ZDHHC11: variants seen among roughly 807,000 people sequenced by gnomAD.
The protein encoded by ZDHHC11 is palmitoyltransferase ZDHHC11.
In ZDHHC11, 44 loss-of-function variants were observed where a neutral mutation model predicts 51.3. That is an observed-to-expected ratio of 0.86 (90% CI 0.67 to 1.10). The LOEUF (loss-of-function observed/expected upper bound fraction) is 1.10. Ranked by LOEUF, ZDHHC11 falls within the 50% of genes least tolerant of loss-of-function variation. The pLI is 0.00. For missense variants in ZDHHC11, 400 were observed against 537.7 expected (o/e 0.74, Z 2.53); for synonymous variants, 163 against 222.0 (o/e 0.73, Z 2.36).
rs528154038 is a variant in ZDHHC11 at position 836,914 on chromosome 5, G to A, written c.900+451C>T. Among the ~76,000 whole-genome samples the A allele has an allele frequency of 8.5e-4, 124 of 145,682 alleles. 6 individuals are homozygous for A. The South Asian group carries it at 0.025, about 29-fold the overall frequency. ...TCTACTAAAAATACAAAAATTAGTC[G>A]GGCGTAGTGGCATACATCTGTGATC... On this transcript the variant is annotated intron_variant, in intron 6 of 12. Transcript: ENST00000283441.
At chr5:847,088 T>C (rs1338924603) in intron 3 of ZDHHC11, among the ~76,000 whole-genome samples, 1 of 141,468 alleles carries the variant, frequency 7.1e-6, no homozygotes, top group Non-Finnish European at 1.5e-5. Context: ...GGGAAACACC[T>C]CTCATCTGTG....
intron 9 of ZDHHC11, among the ~76,000 whole-genome samples, chr5:820,477 G>A (rs1340609055): frequency 6.6e-6 from 1 of 151,510 alleles, no homozygotes; most frequent in Non-Finnish European, 1.5e-5. Flanking sequence ...TGGAGTAAGG[G>A]ATGGTGACAT....
chr5:842,017 C>T (rs1437582739), intron 4 of ZDHHC11: 27 of 987,910 alleles, frequency 2.7e-5, no homozygotes, highest in African/African-American at 1.7e-4. Context: ...AGTGACATCA[C>T]GATGAGTTCA....
chr5:844,305 G>A (rs1251508136), intron 3 of ZDHHC11, among the ~76,000 whole-genome samples: 6 of 152,300 alleles, frequency 3.9e-5, no homozygotes, highest in Admixed American at 1.3e-4. Context: ...AAACGTGATT[G>A]CCTTTAATCC....
intron 3 of ZDHHC11, among the ~76,000 whole-genome samples, chr5:844,270 C>T (rs58770408): frequency 0.34 from 42,822 of 124,748 alleles, 8,513 homozygotes; most frequent in African/African-American, 0.68. Flanking sequence ...GCACACCGCC[C>T]GACAATTCAG....
rs1485354258 is a variant in ZDHHC11 at position 845,817 on chromosome 5, A to G, written c.503+1697T>C. Among the ~76,000 whole-genome samples the G allele has an allele frequency of 3.3e-5, 5 of 150,378 alleles. No individual in the cohort carries two copies. The East Asian group carries it at 7.8e-4, about 23-fold the overall frequency. ...CTGCTGCCTGGAGCTGAGGGCGCCC[A>G]TGACCCCGGCCCTGCTCTCCTGATG... is the stretch of plus-strand genomic sequence containing the variant. On this transcript the variant is annotated intron_variant, in intron 3 of 12. Transcript: ENST00000283441.
chr5:849,449 G>C (rs2150464905), intron 1 of ZDHHC11, among the ~76,000 whole-genome samples: 1 of 152,232 alleles, frequency 6.6e-6, no homozygotes, highest in Non-Finnish European at 1.5e-5. Flanking sequence ...CTGAGCACTG[G>C]GAGAGAAGAC....
rs150025489 is a variant in ZDHHC11, at chr5:806,429, T to C, written c.1182-5265A>G. Reference sequence around the variant, plus strand: ...AAGTCTTAGCTCTCAAAATCAAAACTGAAAACCCTTAGTAGAAATAATAGA... The same window carrying C: ...AAGTCTTAGCTCTCAAAATCAAAACCGAAAACCCTTAGTAGAAATAATAGA... On this transcript the variant is annotated intron_variant, in intron 11 of 12. Transcript: ENST00000283441. Among the ~76,000 whole-genome samples the C allele has an allele frequency of 9.1e-3, 1,369 of 150,810 alleles. 45 individuals carry two copies. Among genetic ancestry groups the C allele is most frequent in the African/African-American group, 0.031 (1,272 of 40,816 alleles).
chr5:808,888 C>G (rs1479854477), intron 11 of ZDHHC11, among the ~76,000 whole-genome samples: 2 of 147,524 alleles, frequency 1.4e-5, no homozygotes, highest in African/African-American at 4.9e-5. Flanking sequence ...TTAGTAGAGA[C>G]AGGGTTTCAC....
At chr5:803,794 G>C (rs1056633155) in intron 11 of ZDHHC11, among the ~76,000 whole-genome samples, 2 of 150,628 alleles carry the variant, frequency 1.3e-5, no homozygotes, top group South Asian at 2.1e-4. Context: ...ATTAGTAGTA[G>C]AGATAGAAAT....
intron 10 of ZDHHC11, among the ~76,000 whole-genome samples, chr5:818,798 C>A (rs377054771): frequency 4.0e-5 from 6 of 151,492 alleles, no homozygotes; most frequent in African/African-American, 1.5e-4. Flanking sequence ...GAGGTGGAGG[C>A]TGCAGTGAGC....
intron 3 of ZDHHC11, among the ~76,000 whole-genome samples, chr5:847,301 C>G (rs1363404292): frequency 1.3e-5 from 2 of 151,708 alleles, no homozygotes; most frequent in African/African-American, 2.4e-5. Context: ...TTACTCTATG[C>G]GGATGAGCTT....
chr5:825,523 C>T (rs1301004275), intron 7 of ZDHHC11, among the ~76,000 whole-genome samples: 1 of 152,146 alleles, frequency 6.6e-6, no homozygotes, highest in Non-Finnish European at 1.5e-5. Flanking sequence ...GAGACCTGCC[C>T]TACACCAGTG....
intron 11 of ZDHHC11, among the ~76,000 whole-genome samples, chr5:808,435 T>A (rs967973387): frequency 1.4e-5 from 2 of 147,828 alleles, no homozygotes; most frequent in African/African-American, 4.9e-5. Flanking sequence ...CTGTGCTGTG[T>A]CATCAGTGCT....
intron 12 of ZDHHC11, among the ~76,000 whole-genome samples, 197 bp from the exon 13 acceptor site, chr5:796,777 C>A (rs1737636993): frequency 6.6e-6 from 1 of 152,200 alleles, no homozygotes. Flanking sequence ...CCTCCCGAGC[C>A]AGGCTCCTGC....
chr5:839,611 G>A (rs1375101394), intron 5 of ZDHHC11: 1 of 149,984 alleles, frequency 6.7e-6, no homozygotes, highest in Non-Finnish European at 1.5e-5. Context: ...GTAACCTGTG[G>A]TTATGAACAA....
At chr5:856,215 C>T (rs577707046) in intron 1 of ZDHHC11, among the ~76,000 whole-genome samples, 1 of 150,754 alleles carries the variant, frequency 6.6e-6, no homozygotes, top group Non-Finnish European at 1.5e-5. Context: ...ACAACACAGA[C>T]CACACTGACC....
At chr5:814,375 G>A (rs1377916661) in intron 11 of ZDHHC11, among the ~76,000 whole-genome samples, 1 of 151,304 alleles carries the variant, frequency 6.6e-6, no homozygotes, top group Non-Finnish European at 1.5e-5. Context: ...CTGGAATTGT[G>A]CAGTGTTGGG....
At chr5:848,731 G>T (rs1216369353) in intron 1 of ZDHHC11, 71 bp from the exon 2 acceptor site, 1 of 1,584,208 alleles carries the variant, frequency 6.3e-7, no homozygotes, top group Admixed American at 1.8e-5. Flanking sequence ...TGAGGCCCAA[G>T]GGCCCAGAAG....
Sources: gnomAD v4.1 joint callset for allele counts (sites outside exome capture counted in the v4.1 genomes callset) on GRCh38, gnomAD v4.1.1 for gene constraint, MANE v1.5 for transcripts, NCBI Gene and HGNC (gene_info 2026-07-23, HGNC 2026-07-21) for gene names.